The following PGLYRP2 variants were observed in gnomAD, a reference collection of about 807,000 sequenced individuals.
PGLYRP2 encodes the protein peptidoglycan recognition protein 2, also known as N-acetylmuramoyl-L-alanine amidase.
In PGLYRP2, 38 loss-of-function variants were observed where a neutral mutation model predicts 46.2. That is an observed-to-expected ratio of 0.82 (90% confidence interval 0.64 to 1.08). The LOEUF (loss-of-function observed/expected upper bound fraction) is 1.08, where lower values mean the gene tolerates loss of function less well. Ranked by LOEUF, PGLYRP2 falls within the 50% of genes least tolerant of loss-of-function variation. The pLI is 0.00. For missense variants in PGLYRP2, 713 were observed against 755.9 expected (o/e 0.94, Z 0.67); for synonymous variants, 289 against 329.4 (o/e 0.88, Z 1.33).
At position 15,469,937 on chromosome 19, in the gene PGLYRP2, G is replaced by A. The variant is rs780446478; in HGVS notation, c.1344-8C>T. 2.1e-6 allele frequency: 3 copies of A among 1,415,706 alleles called. No homozygotes were observed. Among genetic ancestry groups the A allele is most frequent in the South Asian group, 1.6e-5 (1 of 63,288 alleles). The allele number at this position is 1,415,706 out of a possible 1,614,324, so 87.7% of individuals were successfully genotyped here. A position where few individuals can be genotyped will look rare whatever the true frequency, so the allele number is the denominator to read the frequency against. Reference sequence around the variant, plus strand: ...TCCGAGCCCACCACGAAACTGCAGAGGGGAGGGAGAAGCAAGCACCATGCG... The same window carrying A: ...TCCGAGCCCACCACGAAACTGCAGAAGGGAGGGAGAAGCAAGCACCATGCG... On this transcript the variant is annotated splice_polypyrimidine_tract_variant and splice_region_variant and intron_variant, in intron 3 of 4. Coordinates refer to ENST00000340880, the MANE Select transcript of PGLYRP2 (RefSeq NM_052890.4). This position sits in a 1 kb window ranked among gnomAD's most constrained non-coding sequence, Gnocchi z 4.9.
In PGLYRP2 at chr19:15,469,181, G is replaced by A. The variant is rs1199756289; in HGVS notation, c.1642-429C>T. 7 of 587,880 alleles carry A rather than the reference G, an allele frequency of 1.2e-5. No individual in the cohort carries two copies. Among genetic ancestry groups the A allele is most frequent in the East Asian group, 5.6e-5 (2 of 35,526 alleles). 36.4% of individuals were successfully genotyped at this position (587,880 alleles called of 1,614,324 possible). ...AAAGGTCACAGCCTAGGTTCATGTTGTGTGGACAGAGGGCCTTCGGGTAGG... is the reference window on the plus strand; with the variant it reads ...AAAGGTCACAGCCTAGGTTCATGTTATGTGGACAGAGGGCCTTCGGGTAGG... On this transcript the variant is annotated intron_variant, in intron 4 of 4. Coordinates refer to ENST00000340880, the MANE Select transcript of PGLYRP2 (RefSeq NM_052890.4). This position sits in a 1 kb window ranked among gnomAD's most constrained non-coding sequence, Gnocchi z 4.9.
chr19:15,475,435 GC>G, intron 2 of PGLYRP2, 102 bp downstream of exon 2: 2 of 1,043,640 alleles, frequency 1.9e-6, no homozygotes, highest in Non-Finnish European at 2.8e-6. Flanking sequence ...ATCCCTTATT[GC>G]CCCCTCTGGA....
intron 4 of PGLYRP2, 198 bp from the exon 5 acceptor site, chr19:15,468,950 C>T (rs1020839759): frequency 2.3e-5 from 12 of 529,164 alleles, no homozygotes; most frequent in Middle Eastern, 5.1e-4. Context: ...GTAGGTAGCA[C>T]GAGATTGTCC....
chr19:15,472,453 G>T (rs1440629803), intron 2 of PGLYRP2, among the ~76,000 whole-genome samples: 3 of 152,070 alleles, frequency 2.0e-5, no homozygotes, highest in Non-Finnish European at 4.4e-5. Flanking sequence ...AACCAGGCAT[G>T]GTGGCACATG....
At position 15,471,878 on chromosome 19, in the gene PGLYRP2, G is replaced by T. The variant is rs775577658; in HGVS notation, c.1343+12C>A. ...GTGGGCCCCGCCCCCTCCCCGGTCG[G>T]GCCCCTCCTACCTGTAGCCGATGTC... On this transcript the variant is annotated intron_variant, in intron 3 of 4. Transcript: ENST00000340880. 8.7e-6 allele frequency: 14 copies of T among 1,609,804 alleles called. No individual in the cohort carries two copies. The African/African-American group carries it at 1.3e-4, about 15-fold the overall frequency.
At chr19:15,477,717 AAAATT>A (rs1347137599) in intron 1 of PGLYRP2, among the ~76,000 whole-genome samples, 19 of 73,678 alleles carry the variant, frequency 2.6e-4, no homozygotes, top group African/African-American at 1.2e-3. Flanking sequence ...TAAATAAAAT[AAAATT>A]AAATTAAAAT....
At chr19:15,478,631 T>TG (rs1970818822) in intron 1 of PGLYRP2, among the ~76,000 whole-genome samples, 2 of 122,828 alleles carry the variant, frequency 1.6e-5, no homozygotes, top group African/African-American at 6.6e-5. Context: ...TTTGCCTTTG[T>TG]TTTTTTTTTT....
At chr19:15,471,856 G>GGGCCC in intron 3 of PGLYRP2, 34 bp downstream of exon 3, 1 of 1,600,058 alleles carries the variant, frequency 6.2e-7, no homozygotes, top group East Asian at 2.2e-5. Flanking sequence ...CCCGAACGTG[G>GGGCCC]GCCCCGCCCC....
In PGLYRP2 at chr19:15,476,603, G is replaced by A; in HGVS notation, c.67C>T (p.Leu23=). ...ATGACAGAGTCCATGAGCAGGGGCA[G>A]GGAGGCTGCAGGAGGAAAGAATGTG... ...LLWSDPGTAS[L]PLLMDSVIQA... is the part of the protein sequence containing the mutation. The change falls in exon 2 of 5, where the codon CTG becomes TTG. Residue 23 remains leucine, a synonymous_variant. Coordinates refer to ENST00000340880, the MANE Select transcript of PGLYRP2 (RefSeq NM_052890.4). 1 of 1,593,522 alleles carries A rather than the reference G, an allele frequency of 6.3e-7. No homozygotes were observed. The highest frequency in any genetic ancestry group is 2.2e-5 in the East Asian group (1 of 44,704).
chr19:15,475,427 C>A, intron 2 of PGLYRP2, 111 bp downstream of exon 2: 7 of 1,062,358 alleles, frequency 6.6e-6, no homozygotes, highest in Non-Finnish European at 6.9e-6. Flanking sequence ...CCGACCAGAT[C>A]CCTTATTGCC....
In PGLYRP2 at chr19:15,474,980, C is replaced by CA. The variant is rs34586297; in HGVS notation, c.1132+557dup. ...CCAGCCTGGGCGACAGAGAGAGACT[C>CA]AAAAAAAAAAAAAAAGAAAGAATGT... is the stretch of plus-strand genomic sequence containing the variant. On this transcript the variant is annotated intron_variant, in intron 2 of 4. Transcript: ENST00000340880. Among the ~76,000 whole-genome samples the CA allele has an allele frequency of 3.1e-3, 392 of 125,006 alleles. 3 individuals are homozygous for CA. The highest frequency in any genetic ancestry group is 5.7e-3 in the East Asian group (24 of 4,190). The allele number at this position is 125,006 out of a possible 152,430, so 82.0% of individuals were successfully genotyped here. A position where few individuals can be genotyped will look rare whatever the true frequency, so the allele number is the denominator to read the frequency against.
chr19:15,477,557 G>A (rs1358130421), intron 1 of PGLYRP2, among the ~76,000 whole-genome samples: 1 of 151,422 alleles, frequency 6.6e-6, no homozygotes, highest in Non-Finnish European at 1.5e-5. Flanking sequence ...AATTAGCTGG[G>A]CATGGTGGCA....
At chr19:15,470,621 C>T (rs1970739503) in intron 3 of PGLYRP2, among the ~76,000 whole-genome samples, 1 of 148,060 alleles carries the variant, frequency 6.8e-6, no homozygotes, top group African/African-American at 2.5e-5. Flanking sequence ...CCCCTCCCCT[C>T]GCCACCCCTC....
At position 15,476,177 on chromosome 19, in the gene PGLYRP2, C is replaced by T. The variant is rs1384966704; in HGVS notation, c.493G>A (p.Val165Ile). The T allele has an allele frequency of 2.5e-6, 4 of 1,614,076 alleles. No homozygotes were observed. Among genetic ancestry groups the T allele is most frequent in the Admixed American group, 1.7e-5 (1 of 59,986 alleles). ...AGTCCTGGGGAGGAGGTGGCTCTTA[C>T]ATCTGGAGCAATGGCCACAACATCT... ...FPDVVAIAPD[V>I]RATSSPGLRD... Residue 165 changes from valine to isoleucine, a missense_variant, in exon 2 of 5, where the codon GTA becomes ATA. Coordinates refer to ENST00000340880, the MANE Select transcript of PGLYRP2 (RefSeq NM_052890.4).
intron 2 of PGLYRP2, 47 bp from the exon 3 acceptor site, chr19:15,472,147 C>A: frequency 2.0e-6 from 3 of 1,486,568 alleles, no homozygotes; most frequent in Non-Finnish European, 2.7e-6. Flanking sequence ...TGTTTCTCTG[C>A]CTGTTCCTCC....
At position 15,475,859 on chromosome 19, in the gene PGLYRP2, C is replaced by A; in HGVS notation, c.811G>T (p.Ala271Ser). The stretch of plus-strand genomic sequence containing the variant: ...CCATCCAGGGCGCCATTGAGGAAGG[C>A]CATGGTTAACAGAGATGCCTTGGGG... ...LDPKASLLTM[A>S]FLNGALDGVI... The change falls in exon 2 of 5, where the codon GCC becomes TCC. Residue 271 changes from alanine (A) to serine (S), a missense_variant. Transcript: ENST00000340880. 1.2e-6 allele frequency: 2 copies of A among 1,614,048 alleles called. No homozygotes were observed. The highest frequency in any genetic ancestry group is 1.7e-6 in the Non-Finnish European group (2 of 1,180,014).
chr19:15,476,601 C>G lies in PGLYRP2; in HGVS notation c.69G>C (p.Leu23=), dbSNP rs969750096. Residue 23 remains leucine, a synonymous_variant, in exon 2 of 5, where the codon CTG becomes CTC. Coordinates refer to ENST00000340880, the MANE Select transcript of PGLYRP2 (RefSeq NM_052890.4). The stretch of plus-strand genomic sequence containing the variant: ...GGATGACAGAGTCCATGAGCAGGGG[C>G]AGGGAGGCTGCAGGAGGAAAGAATG... ...LLWSDPGTAS[L]PLLMDSVIQA... is the part of the protein sequence containing the mutation. 12 of 1,594,538 alleles carry G rather than the reference C, an allele frequency of 7.5e-6. No homozygotes were observed. In the African/African-American group the frequency reaches 1.6e-4, roughly 21 times the overall value.
chr19:15,478,841 C>T lies in PGLYRP2; in HGVS notation c.61+470G>A, dbSNP rs558762218. The stretch of plus-strand genomic sequence containing the variant: ...TTCACCATGTTGGCCAGGCTGGTCT[C>T]GATCTCCTGATCTCAAGTGATCTGC... On this transcript the variant is annotated intron_variant, in intron 1 of 4. Coordinates refer to ENST00000340880, the MANE Select transcript of PGLYRP2 (RefSeq NM_052890.4). Among the ~76,000 whole-genome samples the T allele has an allele frequency of 3.9e-5, 6 of 152,072 alleles. No individual in the cohort carries two copies. In the South Asian group the frequency reaches 1.0e-3, roughly 26 times the overall value.
chr19:15,476,170 G>A lies in PGLYRP2; in HGVS notation c.500C>T (p.Ala167Val). ...DVVAIAPDVR[A>V]TSSPGLRDGS... ...ATCCCTGAGTCCTGGGGAGGAGGTG[G>A]CTCTTACATCTGGAGCAATGGCCAC... The change falls in exon 2 of 5, where the codon GCC (alanine) becomes GTC (valine). Residue 167 changes from alanine to valine, a missense_variant. Transcript: ENST00000340880. The A allele has an allele frequency of 1.9e-6, 3 of 1,614,174 alleles. No individual in the cohort carries two copies. Among genetic ancestry groups the A allele is most frequent in the Non-Finnish European group, 2.5e-6 (3 of 1,180,022 alleles).
Sources: allele counts gnomAD v4.1 joint callset (sites outside exome capture counted in the v4.1 genomes callset), GRCh38; gene constraint gnomAD v4.1.1; non-coding constraint Gnocchi (gnomAD v3.1); transcripts MANE v1.5; gene names NCBI Gene and HGNC (gene_info 2026-07-23, HGNC 2026-07-21).